UBR3: variants seen among roughly 807,000 people sequenced by gnomAD.
The protein encoded by UBR3 is ubiquitin protein ligase E3 component n-recognin 3.
A neutral mutation model predicts 243.2 loss-of-function variants in UBR3; 85 were observed. The ratio of observed to expected loss-of-function variants is 0.35; its 90% confidence interval spans 0.29 to 0.42. The LOEUF (loss-of-function observed/expected upper bound fraction) is 0.42, where lower values mean the gene tolerates loss of function less well. UBR3 is among the 10% of genes least tolerant of loss of function. The pLI is 1.00. For missense variants in UBR3, 1,686 were observed against 2,300.8 expected, an observed-to-expected ratio of 0.73 and a Z score of 5.47; for synonymous variants, 748 against 799.8, an observed-to-expected ratio of 0.94 and a Z score of 1.09.
intron 15 of UBR3, 27 bp downstream of exon 15, chr2:169,926,771 A>G (rs985708287): frequency 2.9e-5 from 45 of 1,546,370 alleles, no homozygotes; most frequent in Non-Finnish European, 3.2e-5. Context: ...TAAGACAGGT[A>G]TTAGGAAGTG....
At chr2:169,974,406 G>A (rs2088324936) in intron 24 of UBR3, among the ~76,000 whole-genome samples, 1 of 152,078 alleles carries the variant, frequency 6.6e-6, no homozygotes, top group African/African-American at 2.4e-5. Context: ...GGTTGTATGT[G>A]TCCAGGAATT....
chr2:170,074,021 C>T (rs1332100406), intron 36 of UBR3, among the ~76,000 whole-genome samples: 1 of 152,084 alleles, frequency 6.6e-6, no homozygotes, highest in Non-Finnish European at 1.5e-5. Context: ...GCTACCAGCT[C>T]AGCTAGTTAA....
rs1478446399 is a variant in UBR3, at chr2:170,007,092, A to G, written c.4132A>G (p.Asn1378Asp). Residue 1378 changes from asparagine to aspartate, a missense_variant, in exon 28 of 39, where the codon AAT (asparagine) becomes GAT (aspartate). By Grantham distance (23) the Asn-to-Asp change is conservative. This residue lies in a region of UBR3 where 371 missense variants were observed against 422.5 expected (regional missense o/e 0.88). Transcript: ENST00000272793. ...TGTTCTTCCATGTTATCCTGGAAGC[A>G]ATGTGGAAAATAACCCTTGGCAACG... ...NSVLPCYPGS[N>D]VENNPWQRPS... 8 of 1,613,720 alleles carry G rather than the reference A, an allele frequency of 5.0e-6. No homozygotes were observed. The highest frequency in any genetic ancestry group is 6.8e-6 in the Non-Finnish European group (8 of 1,179,998).
intron 29 of UBR3, among the ~76,000 whole-genome samples, chr2:170,009,817 A>C (rs1247589633): frequency 6.6e-6 from 1 of 152,090 alleles, no homozygotes; most frequent in Non-Finnish European, 1.5e-5. Flanking sequence ...GTTTTTTTCA[A>C]TTGCTATCTT....
At chr2:169,902,387 C>T (rs1373648167) in intron 8 of UBR3, among the ~76,000 whole-genome samples, 2 of 152,140 alleles carry the variant, frequency 1.3e-5, no homozygotes, top group East Asian at 3.9e-4. Context: ...TTTCCATTCT[C>T]TTCATGTGAA....
At chr2:170,066,762 G>C (rs1295476594) in intron 35 of UBR3, among the ~76,000 whole-genome samples, 1 of 151,952 alleles carries the variant, frequency 6.6e-6, no homozygotes, top group Admixed American at 6.6e-5. Flanking sequence ...TCAGGAGATC[G>C]AGACCATCCT....
chr2:170,017,544 CAG>C (rs879891566), intron 30 of UBR3, among the ~76,000 whole-genome samples: 4,969 of 42,398 alleles, frequency 0.12, 71 homozygotes, highest in African/African-American at 0.14. Flanking sequence ...CACACACACA[CAG>C]ACACACACAC....
In UBR3 at chr2:169,898,936, T is replaced by C. The variant is rs181864170; in HGVS notation, c.1465+2201T>C. Among the ~76,000 whole-genome samples, 154 of 151,832 alleles carry C rather than the reference T, an allele frequency of 1.0e-3. 1 individual carries two copies. The highest frequency in any genetic ancestry group is 2.1e-3 in the Non-Finnish European group (141 of 67,912). ...CAGGATGGTCTCGATATCCTAACCTTGTGATCCGCCTGCCTCGGCCTCCCA... is the reference window on the plus strand; with the variant it reads ...CAGGATGGTCTCGATATCCTAACCTCGTGATCCGCCTGCCTCGGCCTCCCA... On this transcript the variant is annotated intron_variant, in intron 8 of 38. Coordinates refer to ENST00000272793, the MANE Select transcript of UBR3 (RefSeq NM_172070.4).
chr2:170,054,910 C>A (rs757078649), intron 32 of UBR3, among the ~76,000 whole-genome samples: 9 of 152,096 alleles, frequency 5.9e-5, no homozygotes, highest in Non-Finnish European at 1.2e-4. Flanking sequence ...AAGAGAGCAC[C>A]CTTTCCACTA....
chr2:169,947,747 A>C, intron 22 of UBR3, 32 bp downstream of exon 22: 3 of 1,424,786 alleles, frequency 2.1e-6, no homozygotes, highest in South Asian at 1.7e-5. Flanking sequence ...AAAATAAGAA[A>C]AAGCTTTATG....
At chr2:169,950,303 G>A (rs1476104178) in intron 23 of UBR3, among the ~76,000 whole-genome samples, 2 of 151,976 alleles carry the variant, frequency 1.3e-5, no homozygotes, top group African/African-American at 4.8e-5. Flanking sequence ...AAACCTGTGT[G>A]TCTCTTTGGA....
intron 1 of UBR3, among the ~76,000 whole-genome samples, chr2:169,840,582 T>G (rs1330134880): frequency 6.6e-6 from 1 of 152,102 alleles, no homozygotes; most frequent in Non-Finnish European, 1.5e-5. Context: ...CCCCCATAGC[T>G]CTACTGGGTG....
intron 23 of UBR3, among the ~76,000 whole-genome samples, chr2:169,951,642 T>C (rs73973164): frequency 0.022 from 3,297 of 152,042 alleles, 109 homozygotes; most frequent in African/African-American, 0.075. Context: ...AGGGAAACTG[T>C]GGAAGGATTT....
chr2:169,853,591 C>A (rs535480393), intron 1 of UBR3, among the ~76,000 whole-genome samples: 1 of 152,044 alleles, frequency 6.6e-6, no homozygotes, highest in East Asian at 1.9e-4. Flanking sequence ...ACTGGGACTA[C>A]AGGTGCGTAT....
At chr2:170,004,425 A>G (rs770851968) in intron 27 of UBR3, among the ~76,000 whole-genome samples, 1 of 152,178 alleles carries the variant, frequency 6.6e-6, no homozygotes, top group Admixed American at 6.5e-5. Context: ...AGTAAAGGTG[A>G]TAGAAGAAAG....
intron 5 of UBR3, among the ~76,000 whole-genome samples, chr2:169,882,351 AAT>A (rs962823802): frequency 3.7e-5 from 1 of 27,168 alleles, no homozygotes; most frequent in African/African-American, 6.3e-5. Flanking sequence ...TATATATGTA[AAT>A]ATATATTATA....
chr2:169,982,375 A>AT (rs2088778919), intron 24 of UBR3, among the ~76,000 whole-genome samples: 2 of 152,178 alleles, frequency 1.3e-5, no homozygotes, highest in Admixed American at 1.3e-4. Context: ...AATTAATCTA[A>AT]TTAATTTATA....
chr2:170,077,556 C>T lies in UBR3; in HGVS notation c.5200-2258C>T, dbSNP rs981690526. 8 of 652,050 alleles carry T rather than the reference C, an allele frequency of 1.2e-5. No individual in the cohort carries two copies. The African/African-American group carries it at 1.5e-4, about 12-fold the overall frequency. 40.4% of individuals were successfully genotyped at this position (652,050 alleles called of 1,614,324 possible). On this transcript the variant is annotated intron_variant, in intron 36 of 38. Coordinates refer to ENST00000272793, the MANE Select transcript of UBR3 (RefSeq NM_172070.4). ...CTCCAACAAAGCAGACTTTAGTAAC[C>T]ATCCTCCTCTATGCCTGCGTCTTTC...
rs923175009 is a variant in UBR3, at chr2:170,033,593, C to G, written c.4556+4145C>G. ...TTTTTCCACACCCACCCCCCCCCCC[C>G]CCAATATTTGCTCTCATTTTTATGG... On this transcript the variant is annotated intron_variant, in intron 31 of 38. Transcript: ENST00000272793. Among the ~76,000 whole-genome samples, 50 of 109,512 alleles carry G rather than the reference C, an allele frequency of 4.6e-4. 2 individuals are homozygous for G. The highest frequency in any genetic ancestry group is 6.2e-3 in the Middle Eastern group (1 of 162). The allele number at this position is 109,512 out of a possible 152,430, so 71.8% of individuals were successfully genotyped here.
Sources: allele counts gnomAD v4.1 joint callset (sites outside exome capture counted in the v4.1 genomes callset), GRCh38; gene constraint gnomAD v4.1.1; regional missense constraint gnomAD v4.1.1; transcripts MANE v1.5; gene names NCBI Gene and HGNC (gene_info 2026-07-23, HGNC 2026-07-21).